Variants in TBC1D19 observed in about 807,000 individuals in gnomAD.
TBC1D19 encodes the protein TBC1 domain family member 19, also known as TBC1 domain family, member 19.
A neutral mutation model predicts 89.0 loss-of-function variants in TBC1D19; 60 were observed. That is an observed-to-expected ratio of 0.67 (90% confidence interval 0.55 to 0.84). The LOEUF is 0.84. Among genes scored for constraint, TBC1D19 ranks in the 40% least tolerant of loss-of-function variants. The pLI, the probability that TBC1D19 is intolerant of heterozygous loss-of-function variation, is 0.00. For missense variants in TBC1D19, 500 were observed against 610.8 expected, an observed-to-expected ratio of 0.82 and a Z score of 1.91; for synonymous variants, 189 against 199.7, an observed-to-expected ratio of 0.95 and a Z score of 0.45.
rs181956450 is a variant in TBC1D19, at chr4:26,666,873, G to T, written c.664+468G>T. ...TATACTTTTTATTAAATACTACACT[G>T]GTATTTAGCTATAATAAAAATGAAG... On this transcript the variant is annotated intron_variant, in intron 9 of 20. Transcript: ENST00000264866. Among the ~76,000 whole-genome samples the T allele has an allele frequency of 1.8e-3, 278 of 151,744 alleles. 1 individual carries two copies. Among genetic ancestry groups the T allele is most frequent in the African/African-American group, 6.4e-3 (266 of 41,374 alleles).
intron 1 of TBC1D19, among the ~76,000 whole-genome samples, chr4:26,592,909 C>G (rs1453554566): frequency 6.6e-6 from 1 of 152,122 alleles, no homozygotes; most frequent in Non-Finnish European, 1.5e-5. Flanking sequence ...AATGGCCATA[C>G]TGCCCAAGGT....
At chr4:26,608,113 A>G (rs1410573274) in intron 1 of TBC1D19, among the ~76,000 whole-genome samples, 2 of 152,198 alleles carry the variant, frequency 1.3e-5, no homozygotes, top group Admixed American at 6.5e-5. Flanking sequence ...TGGTTTTTGC[A>G]TTTGTGATAA....
chr4:26,724,015 G>T (rs1199192710), intron 15 of TBC1D19, among the ~76,000 whole-genome samples: 1 of 152,220 alleles, frequency 6.6e-6, no homozygotes, highest in Non-Finnish European at 1.5e-5. Flanking sequence ...CCTCTGAGGA[G>T]GTGGAATATG....
chr4:26,720,798 C>G lies in TBC1D19; in HGVS notation c.1084+673C>G, dbSNP rs1257283639. Among the ~76,000 whole-genome samples, 3 of 152,072 alleles carry G rather than the reference C, an allele frequency of 2.0e-5. No individual in the cohort carries two copies. The East Asian group carries it at 5.8e-4, about 29-fold the overall frequency. ...CAGATCCCAATTCTTCCAGCTTATC[C>G]TATGACCTTAAGTAAGTTACATGAC... On this transcript the variant is annotated intron_variant, in intron 15 of 20. Transcript: ENST00000264866.
At chr4:26,677,409 C>T (rs1359520082) in intron 11 of TBC1D19, among the ~76,000 whole-genome samples, 1 of 151,700 alleles carries the variant, frequency 6.6e-6, no homozygotes, top group Non-Finnish European at 1.5e-5. Context: ...AGCTCCGCCT[C>T]CCAGGTTCAC....
At chr4:26,590,669 A>G (rs372933622) in intron 1 of TBC1D19, among the ~76,000 whole-genome samples, 40 of 151,856 alleles carry the variant, frequency 2.6e-4, no homozygotes, top group African/African-American at 9.7e-4. Context: ...CCTTTGCACA[A>G]TTTTCATCTA....
chr4:26,770,886 A>G, the TBC1D19 span, among the ~76,000 whole-genome samples: 1 of 152,192 alleles, frequency 6.6e-6, no homozygotes, highest in Non-Finnish European at 1.5e-5. Context: ...GAATAAATCA[A>G]AAGGGAAGCT....
chr4:26,621,987 G>A (rs965647166), intron 4 of TBC1D19, among the ~76,000 whole-genome samples: 14 of 151,694 alleles, frequency 9.2e-5, no homozygotes, highest in Non-Finnish European at 1.5e-4. Flanking sequence ...GCAAACTATT[G>A]CAAGGACAAA....
At chr4:26,622,671 A>C (rs1386355795) in intron 4 of TBC1D19, among the ~76,000 whole-genome samples, 1 of 152,194 alleles carries the variant, frequency 6.6e-6, no homozygotes, top group Non-Finnish European at 1.5e-5. Context: ...AATAAGGATA[A>C]TCTTGTGACA....
chr4:26,846,041 A>G, the TBC1D19 span, among the ~76,000 whole-genome samples: 20 of 152,330 alleles, frequency 1.3e-4, no homozygotes, highest in African/African-American at 4.3e-4. Context: ...TTCACTTAAC[A>G]TAATGTTCTC....
intron 13 of TBC1D19, among the ~76,000 whole-genome samples, chr4:26,695,383 T>C (rs968177058): frequency 1.3e-5 from 2 of 152,234 alleles, no homozygotes; most frequent in African/African-American, 2.4e-5. Context: ...CTGTGTCTGA[T>C]TGGTGTACCT....
intron 15 of TBC1D19, among the ~76,000 whole-genome samples, chr4:26,732,761 C>T (rs1023554408): frequency 1.3e-5 from 2 of 152,162 alleles, no homozygotes; most frequent in African/African-American, 4.8e-5. Flanking sequence ...CTGACTGCTG[C>T]TTGCCAGTCA....
chr4:26,621,627 TA>T (rs1160865897), intron 4 of TBC1D19, among the ~76,000 whole-genome samples: 2 of 152,038 alleles, frequency 1.3e-5, no homozygotes, highest in Admixed American at 6.6e-5. Flanking sequence ...TATTTTTATT[TA>T]AAAAAATCAT....
the TBC1D19 span, among the ~76,000 whole-genome samples, chr4:26,801,835 A>C: frequency 1.3e-5 from 2 of 152,190 alleles, no homozygotes; most frequent in Non-Finnish European, 2.9e-5. Flanking sequence ...ATTCATGTGC[A>C]ATCAGGGAGC....
chr4:26,767,432 C>T, the TBC1D19 span, among the ~76,000 whole-genome samples: 10 of 152,134 alleles, frequency 6.6e-5, no homozygotes, highest in Non-Finnish European at 1.5e-4. Context: ...GCCCCACTCC[C>T]AGAAGTCATA....
chr4:26,808,367 A>C, the TBC1D19 span, among the ~76,000 whole-genome samples: 1 of 152,206 alleles, frequency 6.6e-6, no homozygotes, highest in Non-Finnish European at 1.5e-5. Flanking sequence ...CTGCACAGTT[A>C]TGGAGCTAAG....
chr4:26,655,981 A>T lies in TBC1D19; in HGVS notation c.481-3616A>T, dbSNP rs186306293. ...GCGTCGCTCACGCTGGGAGCTGTAG[A>T]CTGGAGCTGTTCCTATTTGGCCATC... On this transcript the variant is annotated intron_variant, in intron 7 of 20. Coordinates refer to ENST00000264866, the MANE Select transcript of TBC1D19 (RefSeq NM_018317.4). 5.9e-3 allele frequency among the ~76,000 whole-genome samples: 895 copies of T among 152,234 alleles called. 8 individuals carry two copies. The highest frequency in any genetic ancestry group is 0.018 in the Admixed American group (269 of 15,290).
At position 26,754,943 on chromosome 4, in the gene TBC1D19, C is replaced by G. The variant is rs1378413657; in HGVS notation, c.1577C>G (p.Thr526Ser). 6.2e-7 allele frequency: 1 copy of G among 1,605,208 alleles called. No homozygotes were observed. Among genetic ancestry groups the G allele is most frequent in the African/African-American group, 1.3e-5 (1 of 74,426 alleles). ...LLQIFLFATV[T>S] ...CAGATTTTTCTGTTTGCTACTGTCA[C>G]CTGATCTTCTTCACAGTCACTGGCA... The change falls in exon 21 of 21, where the codon ACC becomes AGC. Residue 526 changes from threonine to serine, a missense_variant. Thr to Ser is a moderately conservative substitution (Grantham distance 58, BLOSUM62 1). Coordinates refer to ENST00000264866, the MANE Select transcript of TBC1D19 (RefSeq NM_018317.4).
chr4:26,833,622 C>T, the TBC1D19 span, among the ~76,000 whole-genome samples: 1 of 152,212 alleles, frequency 6.6e-6, no homozygotes, highest in South Asian at 2.1e-4. Context: ...CATCTTAAAG[C>T]AGATGGAGCT....
Sources: gnomAD v4.1 joint callset for allele counts (sites outside exome capture counted in the v4.1 genomes callset) on GRCh38, gnomAD v4.1.1 for gene constraint, MANE v1.5 for transcripts, NCBI Gene and HGNC (gene_info 2026-07-23, HGNC 2026-07-21) for gene names.